DSCAML1: variants seen among roughly 807,000 people sequenced by gnomAD.
The protein encoded by DSCAML1 is DS cell adhesion molecule like 1, also known as cell adhesion molecule DSCAML1.
A neutral mutation model predicts 200.5 loss-of-function variants in DSCAML1; 38 were observed. That is an observed-to-expected ratio of 0.19 (90% CI 0.15 to 0.25). The LOEUF is 0.25. Ranked by LOEUF, DSCAML1 falls within the 10% of genes least tolerant of loss-of-function variation. The pLI, the probability that DSCAML1 is intolerant of heterozygous loss-of-function variation, is 1.00. For synonymous variants in DSCAML1, 1,215 were observed against 1,165.0 expected (o/e 1.04, Z -0.87); for missense variants, 2,223 against 2,858.8 (o/e 0.78, Z 5.07).
At position 117,444,665 on chromosome 11, in the gene DSCAML1, A is replaced by T. The variant is rs557817389; in HGVS notation, c.3709-626T>A. Among the ~76,000 whole-genome samples the T allele has an allele frequency of 8.5e-5, 13 of 152,258 alleles. No homozygotes were observed. The East Asian group carries it at 1.9e-3, about 23-fold the overall frequency. On this transcript the variant is annotated intron_variant, in intron 20 of 32. Coordinates refer to ENST00000651296, the MANE Select transcript of DSCAML1 (RefSeq NM_020693.4). ...TTTGTAGGTTATACAAATCTATAAA[A>T]TTTTTTTTAACAAAATGACAGTTTT...
intron 1 of DSCAML1, among the ~76,000 whole-genome samples, chr11:117,785,434 G>A (rs1475849061): frequency 6.6e-6 from 1 of 152,170 alleles, no homozygotes; most frequent in Non-Finnish European, 1.5e-5. Flanking sequence ...AGTGGGTGAG[G>A]CATGCATGTT....
At chr11:117,738,358 G>A (rs769677126) in intron 3 of DSCAML1, among the ~76,000 whole-genome samples, 1 of 151,922 alleles carries the variant, frequency 6.6e-6, no homozygotes, top group East Asian at 1.9e-4. Context: ...AGAATTTTGT[G>A]GGTCTAGCAG....
At chr11:117,543,880 A>C (rs932094573) in intron 3 of DSCAML1, among the ~76,000 whole-genome samples, 25 of 152,044 alleles carry the variant, frequency 1.6e-4, no homozygotes, top group Admixed American at 1.2e-3. Flanking sequence ...TATGTAGTGC[A>C]TAGGTATTCA....
chr11:117,704,797 C>T (rs1688172506), intron 3 of DSCAML1, among the ~76,000 whole-genome samples: 1 of 152,150 alleles, frequency 6.6e-6, no homozygotes, highest in South Asian at 2.1e-4. Flanking sequence ...CCCCGTGGTA[C>T]CTCAAAAGCC....
intron 3 of DSCAML1, among the ~76,000 whole-genome samples, chr11:117,732,889 G>A (rs1470750558): frequency 3.3e-5 from 5 of 151,836 alleles, no homozygotes; most frequent in Non-Finnish European, 5.9e-5. Flanking sequence ...TACGAACGTC[G>A]GTATGATAAT....
intron 3 of DSCAML1, among the ~76,000 whole-genome samples, chr11:117,664,432 C>T (rs1332644428): frequency 6.6e-6 from 1 of 152,226 alleles, no homozygotes; most frequent in African/African-American, 2.4e-5. Context: ...CCCTCTGACA[C>T]CTCCCTGCCA....
chr11:117,493,771 G>A (rs1042499500), intron 11 of DSCAML1, among the ~76,000 whole-genome samples: 1 of 152,140 alleles, frequency 6.6e-6, no homozygotes, highest in Non-Finnish European at 1.5e-5. Flanking sequence ...GGGACTATAG[G>A]TGTGTGCCAC....
At chr11:117,510,625 C>T (rs1337528836) in intron 8 of DSCAML1, among the ~76,000 whole-genome samples, 5 of 152,094 alleles carry the variant, frequency 3.3e-5, no homozygotes, top group Non-Finnish European at 7.4e-5. Flanking sequence ...GGGTATTTAC[C>T]GTAGGATCCC....
chr11:117,481,394 A>G (rs890549329), intron 12 of DSCAML1, 124 bp from the exon 13 acceptor site: 8 of 874,938 alleles, frequency 9.1e-6, no homozygotes, highest in African/African-American at 6.7e-5. Flanking sequence ...GGGGACCCAC[A>G]GGGGCTTTGT....
intron 26 of DSCAML1, among the ~76,000 whole-genome samples, chr11:117,436,199 G>C (rs944079194): frequency 6.6e-6 from 1 of 152,140 alleles, no homozygotes; most frequent in Admixed American, 6.5e-5. Context: ...TGGACCCTGG[G>C]TTCTCTTCCC....
chr11:117,434,433 C>A (rs1469798049), intron 27 of DSCAML1, among the ~76,000 whole-genome samples: 1 of 152,124 alleles, frequency 6.6e-6, no homozygotes, highest in East Asian at 1.9e-4. Flanking sequence ...AACCATTCAC[C>A]CAATCATTCC....
chr11:117,449,335 T>C (rs1362509547), intron 20 of DSCAML1, among the ~76,000 whole-genome samples: 2 of 152,066 alleles, frequency 1.3e-5, no homozygotes, highest in East Asian at 1.9e-4. Context: ...TTGTGCACTT[T>C]GCTGCATGTG....
intron 3 of DSCAML1, among the ~76,000 whole-genome samples, chr11:117,554,154 G>C (rs950423613): frequency 6.6e-6 from 1 of 152,182 alleles, no homozygotes; most frequent in African/African-American, 2.4e-5. Flanking sequence ...GCTGAGGGGA[G>C]GGGGAATGGG....
intron 3 of DSCAML1, among the ~76,000 whole-genome samples, chr11:117,547,317 C>A (rs979333689): frequency 6.6e-6 from 1 of 152,162 alleles, no homozygotes. Context: ...TATTACAATT[C>A]GGGAAAGCTA....
At chr11:117,508,562 C>T (rs1354274193) in intron 8 of DSCAML1, among the ~76,000 whole-genome samples, 1 of 151,996 alleles carries the variant, frequency 6.6e-6, no homozygotes, top group East Asian at 1.9e-4. Context: ...GTCTGTGCTG[C>T]TCCTCGAGAT....
At chr11:117,705,743 G>C (rs921890451) in intron 3 of DSCAML1, among the ~76,000 whole-genome samples, 1 of 152,190 alleles carries the variant, frequency 6.6e-6, no homozygotes, top group South Asian at 2.1e-4. Context: ...CATAATGCTT[G>C]ATCTCTGTAG....
chr11:117,733,491 C>A (rs1311431110), intron 3 of DSCAML1, among the ~76,000 whole-genome samples: 4 of 152,146 alleles, frequency 2.6e-5, no homozygotes, highest in Non-Finnish European at 2.9e-5. Flanking sequence ...CTGCTGACTA[C>A]GAAAGGATTA....
rs1481775407 is a variant in DSCAML1, at chr11:117,777,064, C to A, written c.365-127G>T. ...AGCCTCACCTTCCCACTTCTTCCTT[C>A]CCCCATCCTGCTTAGCCAGCCTAGA... On this transcript the variant is annotated intron_variant, in intron 2 of 32. Coordinates refer to ENST00000651296, the MANE Select transcript of DSCAML1 (RefSeq NM_020693.4). 5.0e-6 allele frequency: 5 copies of A among 1,004,204 alleles called. No homozygotes were observed. The Admixed American group carries it at 9.5e-5, about 19-fold the overall frequency. The allele number at this position is 1,004,204 out of a possible 1,614,324, so 62.2% of individuals were successfully genotyped here. A position where few individuals can be genotyped will look rare whatever the true frequency, so the allele number is the denominator to read the frequency against.
At chr11:117,675,767 A>G (rs12787909) in intron 3 of DSCAML1, among the ~76,000 whole-genome samples, 5,532 of 152,164 alleles carry the variant, frequency 0.036, 155 homozygotes, top group Middle Eastern at 0.068. Context: ...AAGGCCGGCT[A>G]TTGACACCTG....
Sources: gnomAD v4.1 joint callset for allele counts (sites outside exome capture counted in the v4.1 genomes callset) on GRCh38, gnomAD v4.1.1 for gene constraint, MANE v1.5 for transcripts, NCBI Gene and HGNC (gene_info 2026-07-23, HGNC 2026-07-21) for gene names.